PTCHD4: variants seen among roughly 807,000 people sequenced by gnomAD.
PTCHD4 encodes patched domain-containing protein 4.
PTCHD4 carries 33 observed loss-of-function variants against 58.1 expected under a neutral mutation model. The observed-to-expected ratio is 0.57, with a 90% CI of 0.43 to 0.76. PTCHD4 has a LOEUF of 0.76. Among genes scored for constraint, PTCHD4 ranks in the 30% least tolerant of loss-of-function variants. The pLI, the probability that PTCHD4 is intolerant of heterozygous loss-of-function variation, is 0.00. For synonymous variants in PTCHD4, 478 were observed against 409.6 expected, an observed-to-expected ratio of 1.17 and a Z score of -2.02; for missense variants, 1,058 against 1,027.1, an observed-to-expected ratio of 1.03 and a Z score of -0.41.
intron 3 of PTCHD4, among the ~76,000 whole-genome samples, chr6:48,052,093 T>C (rs1237705743): frequency 1.3e-5 from 2 of 152,064 alleles, no homozygotes; most frequent in African/African-American, 2.4e-5. Flanking sequence ...CTTTTGAGAA[T>C]AGTATTCATT....
At chr6:48,020,762 G>A (rs984287251) in intron 3 of PTCHD4, among the ~76,000 whole-genome samples, 4 of 151,970 alleles carry the variant, frequency 2.6e-5, no homozygotes, top group Non-Finnish European at 5.9e-5. Context: ...TGCTGGGGCT[G>A]CAAAACTATA....
chr6:48,045,458 T>C (rs1402360811), intron 3 of PTCHD4, among the ~76,000 whole-genome samples: 2 of 151,850 alleles, frequency 1.3e-5, no homozygotes, highest in African/African-American at 4.8e-5. Flanking sequence ...TTCTTCTTTT[T>C]CATAAGGTGA....
intron 4 of PTCHD4, among the ~76,000 whole-genome samples, chr6:47,894,376 C>T (rs879900349): frequency 3.3e-5 from 5 of 152,176 alleles, no homozygotes; most frequent in Non-Finnish European, 7.3e-5. Context: ...GATAGCAACA[C>T]GGCAGAGGGG....
intron 4 of PTCHD4, among the ~76,000 whole-genome samples, chr6:47,975,086 C>A (rs1014135499): frequency 2.0e-4 from 31 of 152,202 alleles, no homozygotes; most frequent in African/African-American, 6.8e-4. Flanking sequence ...GGCTTCCTCA[C>A]TGGAACTCCT....
chr6:48,087,823 G>T (rs1765290906), intron 1 of PTCHD4, among the ~76,000 whole-genome samples: 1 of 152,120 alleles, frequency 6.6e-6, no homozygotes, highest in African/African-American at 2.4e-5. Context: ...TTTGAGTTAG[G>T]CCAGTAAGAC....
At position 47,965,791 on chromosome 6, in the gene PTCHD4, A is replaced by T. The variant is rs377038987; in HGVS notation, c.898+42843T>A. ...AAACTACAAAAAATTGGTGGGCGCC[A>T]GTAGTCCCAGCTACTCGGGAGGCTG... On this transcript the variant is annotated intron_variant, in intron 4 of 4. Transcript: ENST00000339488. Among the ~76,000 whole-genome samples the T allele has an allele frequency of 1.2e-4, 18 of 152,058 alleles. No homozygotes were observed. In the East Asian group the frequency reaches 2.3e-3, roughly 20 times the overall value.
intron 3 of PTCHD4, among the ~76,000 whole-genome samples, chr6:48,050,347 CT>C (rs1431559739): frequency 2.6e-5 from 4 of 151,872 alleles, no homozygotes; most frequent in Non-Finnish European, 4.4e-5. Flanking sequence ...ACAGTAAATC[CT>C]TTTCCACTTT....
Position 47,879,358 on chromosome 6 carries a change from C to T in PTCHD4, c.1477G>A (p.Ala493Thr). 6.2e-7 allele frequency: 1 copy of T among 1,613,422 alleles called. No homozygotes were observed. Among genetic ancestry groups the T allele is most frequent in the African/African-American group, 1.3e-5 (1 of 74,990 alleles). The stretch of plus-strand genomic sequence containing the variant: ...TAGGAAACACTTGGCGAATCACTGG[C>T]TAGTAGATTGATGATGTTGGCTCCG... ...SDGANIINLL[A>T]SDSPSVSYAM... The change falls in exon 5 of 5, where the codon GCC becomes ACC. Residue 493 changes from alanine (A) to threonine (T), a missense_variant. Physicochemically the swap from Ala to Thr is moderately conservative, Grantham distance 58. Coordinates refer to ENST00000339488, the MANE Select transcript of PTCHD4 (RefSeq NM_001384253.1).
At chr6:47,927,583 G>T (rs948030860) in intron 4 of PTCHD4, among the ~76,000 whole-genome samples, 2 of 152,118 alleles carry the variant, frequency 1.3e-5, no homozygotes, top group African/African-American at 4.8e-5. Context: ...GAGGGAGAAA[G>T]AACATTCTAC....
At position 48,002,305 on chromosome 6, in the gene PTCHD4, C is replaced by T. The variant is rs535716371; in HGVS notation, c.898+6329G>A. ...TAAATCATGCTGCTATAAACACAGA[C>T]GCACACATGTTTATTGTGGCACTAT... On this transcript the variant is annotated intron_variant, in intron 4 of 4. Coordinates refer to ENST00000339488, the MANE Select transcript of PTCHD4 (RefSeq NM_001384253.1). 5.3e-4 allele frequency among the ~76,000 whole-genome samples: 81 copies of T among 152,010 alleles called. 1 individual carries two copies. The South Asian group carries it at 8.5e-3, about 16-fold the overall frequency.
chr6:48,015,546 A>T (rs1420192655), intron 3 of PTCHD4, among the ~76,000 whole-genome samples: 1 of 151,856 alleles, frequency 6.6e-6, no homozygotes, highest in Non-Finnish European at 1.5e-5. Context: ...TCATTGCATC[A>T]GCTGTTCCCT....
intron 4 of PTCHD4, among the ~76,000 whole-genome samples, chr6:47,943,136 A>G (rs879559538): frequency 6.6e-6 from 1 of 152,176 alleles, no homozygotes; most frequent in Non-Finnish European, 1.5e-5. Context: ...TTTGGGAAAA[A>G]TCTCAGATTA....
chr6:47,948,209 T>A (rs1766495030), intron 4 of PTCHD4, among the ~76,000 whole-genome samples: 2 of 152,236 alleles, frequency 1.3e-5, no homozygotes, highest in Non-Finnish European at 2.9e-5. Context: ...TAGTGCTGGC[T>A]GCCAGCCGGA....
chr6:47,975,633 T>G (rs1767666346), intron 4 of PTCHD4, among the ~76,000 whole-genome samples: 1 of 152,186 alleles, frequency 6.6e-6, no homozygotes, highest in Non-Finnish European at 1.5e-5. Context: ...CCCCCATGCA[T>G]CCACGTGTCA....
chr6:47,954,737 T>C (rs1766789137), intron 4 of PTCHD4, among the ~76,000 whole-genome samples: 1 of 152,240 alleles, frequency 6.6e-6, no homozygotes, highest in South Asian at 2.1e-4. Flanking sequence ...ATATTCCTCC[T>C]ATATGTTTTT....
chr6:47,986,089 T>C (rs1173914786), intron 4 of PTCHD4, among the ~76,000 whole-genome samples: 1 of 152,158 alleles, frequency 6.6e-6, no homozygotes, highest in Non-Finnish European at 1.5e-5. Flanking sequence ...GTATGACCCC[T>C]GTTTGTAGAA....
At chr6:47,974,921 C>G (rs953619642) in intron 4 of PTCHD4, among the ~76,000 whole-genome samples, 1 of 152,194 alleles carries the variant, frequency 6.6e-6, no homozygotes, top group Admixed American at 6.5e-5. Context: ...GCATCATCAT[C>G]ATTCATTCAT....
In PTCHD4 at chr6:47,875,725, A is replaced by C. The variant is rs982991861; in HGVS notation, c.*2578T>G. Among the ~76,000 whole-genome samples the C allele has an allele frequency of 6.6e-6, 1 of 151,846 alleles. No homozygotes were observed. The highest frequency in any genetic ancestry group is 2.4e-5 in the African/African-American group (1 of 41,396). On this transcript the variant is annotated 3_prime_UTR_variant, in exon 5 of 5. Coordinates refer to ENST00000339488, the MANE Select transcript of PTCHD4 (RefSeq NM_001384253.1). The stretch of plus-strand genomic sequence containing the variant: ...AAACAGAGACTATCTGGATGGAGAC[A>C]TAATATTAGATCTGCCCTGGTCATT...
rs1240645522 is a variant in PTCHD4 at position 47,860,084 on chromosome 6, A to G, written c.*18219T>C. ...TTCTTCAAGGCCTATTTGAAGCTGC[A>G]TTTCCTTCTTGAAGTATTCCCCTTT... On this transcript the variant is annotated 3_prime_UTR_variant, in exon 5 of 5. Coordinates refer to ENST00000339488, the MANE Select transcript of PTCHD4 (RefSeq NM_001384253.1). Among the ~76,000 whole-genome samples the G allele has an allele frequency of 2.0e-5, 3 of 152,048 alleles. No individual in the cohort carries two copies. The highest frequency in any genetic ancestry group is 4.4e-5 in the Non-Finnish European group (3 of 67,968).
Sources: gnomAD v4.1 joint callset for allele counts (sites outside exome capture counted in the v4.1 genomes callset) on GRCh38, gnomAD v4.1.1 for gene constraint, MANE v1.5 for transcripts, NCBI Gene and HGNC (gene_info 2026-07-23, HGNC 2026-07-21) for gene names.